Variants in TRARG1 observed in about 807,000 individuals in gnomAD.
TRARG1 encodes trafficking regulator of GLUT4 1.
A neutral mutation model predicts 13.3 loss-of-function variants in TRARG1; 16 were observed. The ratio of observed to expected loss-of-function variants is 1.20; its 90% CI spans 0.81 to 1.83. The LOEUF (loss-of-function observed/expected upper bound fraction) is 1.83, where lower values mean the gene tolerates loss of function less well. Ranked by LOEUF, TRARG1 falls within the 40% of genes most tolerant of loss-of-function variation. The pLI, the probability that TRARG1 is intolerant of heterozygous loss-of-function variation, is 0.00. For missense variants in TRARG1, 250 were observed against 237.4 expected, an observed-to-expected ratio of 1.05 and a Z score of -0.35; for synonymous variants, 113 against 106.2, an observed-to-expected ratio of 1.06 and a Z score of -0.39.
chr17:1,282,047 T>C (rs1278674242), intron 1 of TRARG1, among the ~76,000 whole-genome samples: 1 of 138,350 alleles, frequency 7.2e-6, no homozygotes, highest in Non-Finnish European at 1.5e-5. Context: ...CACACATATG[T>C]ACACATATGT....
At chr17:1,292,135 T>G (rs1300993020) in intron 1 of TRARG1, among the ~76,000 whole-genome samples, 1 of 152,098 alleles carries the variant, frequency 6.6e-6, no homozygotes, top group Admixed American at 6.6e-5. Flanking sequence ...GCCATTGCAC[T>G]ACAGCCTGGG....
Position 1,286,676 on chromosome 17 carries a change from G to A in TRARG1, c.387+6288G>A, listed in dbSNP as rs550759996. ...GTGGGGTGTTGTTATTGGCCTGAGG[G>A]GTGTTATCAGCCTGTGGGGTGTTGT... On this transcript the variant is annotated intron_variant, in intron 1 of 2. Transcript: ENST00000333813. Among the ~76,000 whole-genome samples the A allele has an allele frequency of 8.4e-5, 12 of 142,536 alleles. No individual in the cohort carries two copies. In the South Asian group the frequency reaches 2.0e-3, roughly 24 times the overall value. The allele number at this position is 142,536 out of a possible 152,430, so 93.5% of individuals were successfully genotyped here.
chr17:1,290,540 C>T (rs2072061906), intron 1 of TRARG1, among the ~76,000 whole-genome samples: 1 of 152,130 alleles, frequency 6.6e-6, no homozygotes, highest in Admixed American at 6.6e-5. Context: ...AAGCAATCTG[C>T]CCACCTTGGC....
rs1413778087 is a variant in TRARG1, at chr17:1,295,472, C to G, written c.388-19C>G. The stretch of plus-strand genomic sequence containing the variant: ...ACAGCCTTCCCGGTTCCCGGGGTCT[C>G]TCTGTGCTCTCTCCGCAGTCTCGAA... On this transcript the variant is annotated intron_variant, in intron 1 of 2. Transcript: ENST00000333813. 6.3e-7 allele frequency: 1 copy of G among 1,590,344 alleles called. No homozygotes were observed. The highest frequency in any genetic ancestry group is 1.7e-5 in the Admixed American group (1 of 57,254).
rs531332823 is a variant in TRARG1 at position 1,298,453 on chromosome 17, G to A, written c.*189G>A. The A allele has an allele frequency of 1.1e-3, 646 of 588,250 alleles. 1 individual carries two copies. Among genetic ancestry groups the A allele is most frequent in the Non-Finnish European group, 1.6e-3 (552 of 346,236 alleles). 36.4% of individuals were successfully genotyped at this position (588,250 alleles called of 1,614,324 possible). Reference sequence around the variant, plus strand: ...CCCATCTGACAAGAAAGCCTGGAGCGAGGAAGGAAAGCACAGCGAACCCAA... The same window carrying A: ...CCCATCTGACAAGAAAGCCTGGAGCAAGGAAGGAAAGCACAGCGAACCCAA... On this transcript the variant is annotated 3_prime_UTR_variant, in exon 3 of 3. Transcript: ENST00000333813.
At chr17:1,292,589 A>G (rs2072076878) in intron 1 of TRARG1, among the ~76,000 whole-genome samples, 1 of 152,180 alleles carries the variant, frequency 6.6e-6, no homozygotes, top group Non-Finnish European at 1.5e-5. Flanking sequence ...TTTTTTGAAC[A>G]TCTACACATT....
chr17:1,293,694 T>C (rs1369642968), intron 1 of TRARG1, among the ~76,000 whole-genome samples: 2 of 151,918 alleles, frequency 1.3e-5, no homozygotes, highest in Non-Finnish European at 2.9e-5. Flanking sequence ...TTTGATGTTG[T>C]GGGTTGAGTT....
At chr17:1,295,372 G>A in intron 1 of TRARG1, 119 bp from the exon 2 acceptor site, 4 of 1,309,256 alleles carry the variant, frequency 3.1e-6, no homozygotes, top group Non-Finnish European at 4.1e-6. Context: ...GGGCTGCCAT[G>A]GGGACGGGAT....
At chr17:1,280,463 A>G (rs886724198) in intron 1 of TRARG1, 75 bp downstream of exon 1, 1 of 1,416,230 alleles carries the variant, frequency 7.1e-7, no homozygotes, top group East Asian at 2.3e-5. Context: ...GGCAGGCACC[A>G]AACACTGCCC....
rs529548999 is a variant in TRARG1 at position 1,285,819 on chromosome 17, G to A, written c.387+5431G>A. Among the ~76,000 whole-genome samples the A allele has an allele frequency of 9.2e-5, 14 of 152,100 alleles. No individual in the cohort carries two copies. The South Asian group carries it at 2.9e-3, about 32-fold the overall frequency. ...GGGGGTCTCTAACATCTAGGGGGAG[G>A]GCCGAGGGGAGTGGACAGAAAAGTA... On this transcript the variant is annotated intron_variant, in intron 1 of 2. Transcript: ENST00000333813.
intron 1 of TRARG1, among the ~76,000 whole-genome samples, chr17:1,280,998 C>T (rs1348357253): frequency 6.6e-6 from 1 of 152,230 alleles, no homozygotes; most frequent in Non-Finnish European, 1.5e-5. Flanking sequence ...TGCAGCTCCA[C>T]AGCTACGCTG....
intron 1 of TRARG1, among the ~76,000 whole-genome samples, chr17:1,294,546 A>C (rs928733683): frequency 6.2e-5 from 9 of 144,984 alleles, no homozygotes; most frequent in African/African-American, 2.3e-4. Context: ...GGCTCACTGC[A>C]ACCTCCACCT....
intron 1 of TRARG1, among the ~76,000 whole-genome samples, chr17:1,283,808 C>CAAA (rs67263348): frequency 4.8e-5 from 7 of 147,130 alleles, no homozygotes; most frequent in African/African-American, 1.5e-4. Context: ...GATTCTATCT[C>CAAA]AAAAAAAATA....
At chr17:1,296,711 A>G (rs1436500406) in intron 2 of TRARG1, among the ~76,000 whole-genome samples, 2 of 151,826 alleles carry the variant, frequency 1.3e-5, no homozygotes, top group East Asian at 3.9e-4. Context: ...GGGTTTCATC[A>G]TATCAGTCAG....
At position 1,280,087 on chromosome 17, in the gene TRARG1, T is replaced by C. The variant is rs1373155421; in HGVS notation, c.86T>C (p.Leu29Pro). ...CTGGACCTGCCGGAGATGGAGATACTCCTCACCAAGGCAGAGAACAAGGAT... is the reference window on the plus strand; with the variant it reads ...CTGGACCTGCCGGAGATGGAGATACCCCTCACCAAGGCAGAGAACAAGGAT... Reference protein sequence around the residue: ...AFLDLPEMEILLTKAENKDDK... With the variant: ...AFLDLPEMEIPLTKAENKDDK... Residue 29 changes from leucine to proline, a missense_variant, in exon 1 of 3, where the codon CTC becomes CCC. Coordinates refer to ENST00000333813, the MANE Select transcript of TRARG1 (RefSeq NM_172367.3). The C allele has an allele frequency of 6.2e-7, 1 of 1,613,494 alleles. No homozygotes were observed. Among genetic ancestry groups the C allele is most frequent in the Non-Finnish European group, 8.5e-7 (1 of 1,180,014 alleles).
chr17:1,291,189 C>A (rs1386860608), intron 1 of TRARG1, among the ~76,000 whole-genome samples: 1 of 152,140 alleles, frequency 6.6e-6, no homozygotes, highest in Non-Finnish European at 1.5e-5. Context: ...CGGCTCACTG[C>A]AACTTCCGCC....
chr17:1,280,242 G>C lies in TRARG1; in HGVS notation c.241G>C (p.Ala81Pro). 1.2e-6 allele frequency: 2 copies of C among 1,614,034 alleles called. No homozygotes were observed. Among genetic ancestry groups the C allele is most frequent in the Non-Finnish European group, 1.7e-6 (2 of 1,179,982 alleles). ...EAPLPRSPSR[A>P]SSRRASSIAT... is the part of the protein sequence containing the mutation. ...CCCACTGCCTCGGTCCCCCTCCCGGGCCAGCTCAAGGAGGGCGTCCTCCAT... is the reference window on the plus strand; with the variant it reads ...CCCACTGCCTCGGTCCCCCTCCCGGCCCAGCTCAAGGAGGGCGTCCTCCAT... The change falls in exon 1 of 3, where the codon GCC becomes CCC. Residue 81 changes from alanine to proline, a missense_variant. Transcript: ENST00000333813.
At chr17:1,294,988 A>G (rs572452493) in intron 1 of TRARG1, among the ~76,000 whole-genome samples, 1 of 152,210 alleles carries the variant, frequency 6.6e-6, no homozygotes, top group East Asian at 1.9e-4. Context: ...CCGGCTGACA[A>G]TGTCTCTTTT....
rs573470795 is a variant in TRARG1 at position 1,282,350 on chromosome 17, G to A, written c.387+1962G>A. On this transcript the variant is annotated intron_variant, in intron 1 of 2. Coordinates refer to ENST00000333813, the MANE Select transcript of TRARG1 (RefSeq NM_172367.3). Reference sequence around the variant, plus strand: ...TATATGTACGTATATGTACATATGCGTATATATGTATATATGTACGTATAT... The same window carrying A: ...TATATGTACGTATATGTACATATGCATATATATGTATATATGTACGTATAT... 4.0e-5 allele frequency among the ~76,000 whole-genome samples: 6 copies of A among 151,174 alleles called. No homozygotes were observed. In the South Asian group the frequency reaches 6.3e-4, roughly 16 times the overall value.
Sources: allele counts gnomAD v4.1 joint callset (sites outside exome capture counted in the v4.1 genomes callset), GRCh38; gene constraint gnomAD v4.1.1; transcripts MANE v1.5; gene names NCBI Gene and HGNC (gene_info 2026-07-23, HGNC 2026-07-21).